Variants in XKR4 observed in about 807,000 individuals in gnomAD.
XKR4 encodes the protein XK-related protein 4.
XKR4 carries 12 observed loss-of-function variants against 53.9 expected under a neutral mutation model. The ratio of observed to expected loss-of-function variants is 0.22; its 90% confidence interval spans 0.14 to 0.36. The LOEUF is 0.36. XKR4 is among the 10% of genes least tolerant of loss of function. XKR4 has a pLI of 1.00. For synonymous variants in XKR4, 354 were observed against 362.4 expected (o/e 0.98, Z 0.26); for missense variants, 799 against 859.5 (o/e 0.93, Z 0.88).
chr8:55,138,919 A>T (rs1443370919), intron 1 of XKR4, among the ~76,000 whole-genome samples: 1 of 152,196 alleles, frequency 6.6e-6, no homozygotes, highest in Non-Finnish European at 1.5e-5. Context: ...TAAGTCCTAG[A>T]AGAGAGTGGA....
At chr8:55,451,465 A>C in intron 2 of XKR4, 1 of 1,244,746 alleles carries the variant, frequency 8.0e-7, no homozygotes, top group Non-Finnish European at 1.1e-6. Flanking sequence ...CTCCTGCTCC[A>C]GGCTACTCGA....
At chr8:55,130,900 CTG>C (rs1392303103) in intron 1 of XKR4, among the ~76,000 whole-genome samples, 1 of 152,142 alleles carries the variant, frequency 6.6e-6, no homozygotes, top group Non-Finnish European at 1.5e-5. Flanking sequence ...TGGCTCACGT[CTG>C]TAATCCCAGC....
chr8:55,282,070 A>G (rs1025863904), intron 1 of XKR4, among the ~76,000 whole-genome samples: 3 of 152,170 alleles, frequency 2.0e-5, no homozygotes, highest in African/African-American at 7.2e-5. Context: ...TGGGACAGAG[A>G]GATTCTGGTC....
intron 2 of XKR4, among the ~76,000 whole-genome samples, chr8:55,384,964 A>C (rs539644412): frequency 6.4e-4 from 98 of 152,340 alleles, no homozygotes; most frequent in Non-Finnish European, 1.1e-3. Context: ...TGGCCATCGT[A>C]ACTAGTGACC....
chr8:55,489,996 T>C (rs1317712579), intron 2 of XKR4, among the ~76,000 whole-genome samples: 2 of 152,210 alleles, frequency 1.3e-5, no homozygotes, highest in Non-Finnish European at 2.9e-5. Flanking sequence ...TACATTATAA[T>C]TGTTTTTGCC....
At position 55,102,476 on chromosome 8, in the gene XKR4, G is replaced by A. The variant is rs1424211845; in HGVS notation, c.-13G>A. The A allele has an allele frequency of 1.3e-6, 2 of 1,548,176 alleles. No homozygotes were observed. The stretch of plus-strand genomic sequence containing the variant: ...TCAGATAAAGGAGGGCTCTCCTCCG[G>A]TGTGGAGGCATCATGGCCGCTAAAT... On this transcript the variant is annotated 5_prime_UTR_variant, in exon 1 of 3. The change creates a new upstream start codon in the 5' untranslated region. Coordinates refer to ENST00000327381, the MANE Select transcript of XKR4 (RefSeq NM_052898.2). The surrounding 1 kb of genome is among the most constrained non-coding windows in gnomAD (Gnocchi z 5.1).
At position 55,438,989 on chromosome 8, in the gene XKR4, A is replaced by G. The variant is rs141312035; in HGVS notation, c.1006+81112A>G. ...AGCCAGAACCTCAAAGTGTGGGAAAACTAGGACGGGGGTGAGGGGTTGGAA... is the reference window on the plus strand; with the variant it reads ...AGCCAGAACCTCAAAGTGTGGGAAAGCTAGGACGGGGGTGAGGGGTTGGAA... On this transcript the variant is annotated intron_variant, in intron 2 of 2. Coordinates refer to ENST00000327381, the MANE Select transcript of XKR4 (RefSeq NM_052898.2). 4.0e-3 allele frequency among the ~76,000 whole-genome samples: 602 copies of G among 152,290 alleles called. 5 individuals are homozygous for G. Among genetic ancestry groups the G allele is most frequent in the African/African-American group, 0.014 (574 of 41,554 alleles).
At chr8:55,294,901 T>C (rs16921563) in intron 1 of XKR4, among the ~76,000 whole-genome samples, 2,821 of 152,210 alleles carry the variant, frequency 0.019, 79 homozygotes, top group African/African-American at 0.064. Flanking sequence ...CAAAACCTGT[T>C]GAAAATATTA....
At chr8:55,280,587 T>A (rs1818831486) in intron 1 of XKR4, among the ~76,000 whole-genome samples, 1 of 152,222 alleles carries the variant, frequency 6.6e-6, no homozygotes, top group Non-Finnish European at 1.5e-5. Flanking sequence ...TGACTATTTC[T>A]AATTGTTTTC....
chr8:55,521,199 C>G (rs974916965), intron 2 of XKR4, among the ~76,000 whole-genome samples: 7 of 152,236 alleles, frequency 4.6e-5, no homozygotes. Flanking sequence ...TGAGAAGCTA[C>G]ACGTTTGCAA....
chr8:55,418,179 C>G (rs540845646), intron 2 of XKR4, among the ~76,000 whole-genome samples: 1 of 152,086 alleles, frequency 6.6e-6, no homozygotes, highest in Non-Finnish European at 1.5e-5. Flanking sequence ...ATCTACACCT[C>G]GAGTGGCCAT....
chr8:55,219,084 C>T (rs192818662), intron 1 of XKR4, among the ~76,000 whole-genome samples: 3 of 150,812 alleles, frequency 2.0e-5, no homozygotes, highest in Admixed American at 2.0e-4. Flanking sequence ...AAAGGATAGT[C>T]ATGAATCCCT....
intron 2 of XKR4, among the ~76,000 whole-genome samples, chr8:55,411,072 C>T (rs1240940267): frequency 6.6e-6 from 1 of 152,208 alleles, no homozygotes; most frequent in East Asian, 1.9e-4. Context: ...GCCTTTACCC[C>T]TATTTAGTAA....
chr8:55,338,832 C>T (rs1172030272), intron 1 of XKR4, among the ~76,000 whole-genome samples: 2 of 152,134 alleles, frequency 1.3e-5, no homozygotes, highest in Non-Finnish European at 2.9e-5. Context: ...TAAAAATGCT[C>T]AAGAAAAATC....
chr8:55,292,326 T>C (rs559787473), intron 1 of XKR4, among the ~76,000 whole-genome samples: 3 of 152,240 alleles, frequency 2.0e-5, no homozygotes, highest in Admixed American at 2.0e-4. Flanking sequence ...ATGAATTCAA[T>C]TTTTCTTAAA....
intron 2 of XKR4, among the ~76,000 whole-genome samples, chr8:55,386,297 TC>T (rs1230590216): frequency 6.6e-6 from 1 of 152,154 alleles, no homozygotes; most frequent in Admixed American, 6.5e-5. Flanking sequence ...ATGCATGATA[TC>T]CACACGGGAT....
intron 1 of XKR4, among the ~76,000 whole-genome samples, chr8:55,324,284 C>A (rs1803261091): frequency 6.6e-6 from 1 of 152,216 alleles, no homozygotes; most frequent in Non-Finnish European, 1.5e-5. Flanking sequence ...TTTGTAGAGA[C>A]AGGGTCTTGC....
chr8:55,386,542 A>G (rs1431370793), intron 2 of XKR4, among the ~76,000 whole-genome samples: 4 of 152,254 alleles, frequency 2.6e-5, no homozygotes, highest in Non-Finnish European at 4.4e-5. Context: ...TGAGGATTCA[A>G]TAAGAAGTTT....
intron 2 of XKR4, among the ~76,000 whole-genome samples, chr8:55,412,309 A>G (rs1804788694): frequency 6.6e-6 from 1 of 152,158 alleles, no homozygotes; most frequent in Admixed American, 6.5e-5. Context: ...CAACTCTGAG[A>G]TTTCTAAAGC....
Sources: gnomAD v4.1 joint callset for allele counts (sites outside exome capture counted in the v4.1 genomes callset) on GRCh38, gnomAD v4.1.1 for gene constraint, Gnocchi (gnomAD v3.1) non-coding constraint, MANE v1.5 for transcripts, NCBI Gene and HGNC (gene_info 2026-07-23, HGNC 2026-07-21) for gene names.